Variants in DZIP3 observed in about 807,000 individuals in gnomAD.
DZIP3 encodes the protein DAZ interacting zinc finger protein 3, also known as E3 ubiquitin-protein ligase DZIP3.
DZIP3 carries 118 observed loss-of-function variants against 162.0 expected under a neutral mutation model. That is an observed-to-expected ratio of 0.73 (90% CI 0.63 to 0.85). DZIP3 has a LOEUF of 0.85. Among genes scored for constraint, DZIP3 ranks in the 40% least tolerant of loss-of-function variants. The pLI, the probability that DZIP3 is intolerant of heterozygous loss-of-function variation, is 0.00. For synonymous variants in DZIP3, 438 were observed against 458.6 expected (o/e 0.96, Z 0.57); for missense variants, 1,331 against 1,407.0 (o/e 0.95, Z 0.86).
chr3:108,655,516 G>A (rs1008615451), intron 19 of DZIP3, among the ~76,000 whole-genome samples: 1 of 152,132 alleles, frequency 6.6e-6, no homozygotes, highest in African/African-American at 2.4e-5. Flanking sequence ...TAAGTGGGGG[G>A]TGGAGCCAAG....
intron 18 of DZIP3, 55 bp from the exon 19 acceptor site, chr3:108,654,090 G>GA: frequency 6.4e-7 from 1 of 1,567,762 alleles, no homozygotes; most frequent in Non-Finnish European, 8.7e-7. Flanking sequence ...CAATAGCTTA[G>GA]ATGAAAATTA....
At chr3:108,590,123 GGC>G (rs1939301456) in intron 1 of DZIP3, 1 of 152,102 alleles carries the variant, frequency 6.6e-6, no homozygotes, top group African/African-American at 2.4e-5. Context: ...GTTTCTCTCT[GGC>G]ATGATTGATT....
chr3:108,609,457 A>G (rs1940576081), intron 3 of DZIP3, among the ~76,000 whole-genome samples: 1 of 152,270 alleles, frequency 6.6e-6, no homozygotes, highest in African/African-American at 2.4e-5. Context: ...AGGAAGGTGG[A>G]CACTTTGACC....
chr3:108,594,422 C>T (rs963361458), intron 1 of DZIP3, among the ~76,000 whole-genome samples: 14 of 120,074 alleles, frequency 1.2e-4, no homozygotes, highest in Non-Finnish European at 2.0e-4. Flanking sequence ...CCCCTCCCCC[C>T]TCCCTCCCTG....
intron 1 of DZIP3, chr3:108,590,244 G>A (rs929843492): frequency 6.6e-6 from 1 of 152,144 alleles, no homozygotes; most frequent in Non-Finnish European, 1.5e-5. Context: ...GTCAGTTACT[G>A]GTTTTGGAGC....
chr3:108,690,931 A>C, intron 32 of DZIP3, 28 bp downstream of exon 32: 9 of 1,596,242 alleles, frequency 5.6e-6, no homozygotes, highest in South Asian at 1.1e-5. Flanking sequence ...AAGGAAGCTC[A>C]GTTTTCTTTT....
At position 108,674,140 on chromosome 3, in the gene DZIP3, A is replaced by G. The variant is rs748931783; in HGVS notation, c.2652A>G (p.Glu884=). 3 of 1,612,398 alleles carry G rather than the reference A, an allele frequency of 1.9e-6. No homozygotes were observed. The highest frequency in any genetic ancestry group is 1.1e-5 in the South Asian group (1 of 91,022). ...GLLHLEQTEK[E]CLNQLARVTH... is the part of the protein sequence containing the mutation. ...TTCATCTAGAGCAGACTGAAAAGGA[A>G]TGTCTCAATCAGCTTGCCAGGGTGA... is the stretch of plus-strand genomic sequence containing the variant. The change falls in exon 24 of 33, where the codon GAA becomes GAG. Residue 884 remains glutamate (E), a synonymous_variant. Transcript: ENST00000361582.
chr3:108,624,299 CGTT>C (rs34808574), intron 5 of DZIP3, 142 bp from the exon 6 acceptor site: 117,237 of 542,986 alleles, frequency 0.22, 14,787 homozygotes, highest in Non-Finnish European at 0.27. Flanking sequence ...AATACATTAT[CGTT>C]ATTATTAGAT....
chr3:108,616,615 G>A lies in DZIP3; in HGVS notation c.333G>A (p.Gln111=), dbSNP rs1462710274. ...PALTLRFLIT[Q]LEAALRNIQA... The stretch of plus-strand genomic sequence containing the variant: ...TGACTTTACGTTTCTTGATTACACA[G>A]CTAGAAGCAGCACTTAGGAACATTC... Residue 111 remains glutamine (Q), a synonymous_variant, in exon 5 of 33, where the codon CAG becomes CAA. Coordinates refer to ENST00000361582, the MANE Select transcript of DZIP3 (RefSeq NM_014648.4). The A allele has an allele frequency of 6.2e-7, 1 of 1,608,512 alleles. No homozygotes were observed. Among genetic ancestry groups the A allele is most frequent in the Non-Finnish European group, 8.5e-7 (1 of 1,177,622 alleles).
chr3:108,638,391 C>G (rs916806888), intron 12 of DZIP3, among the ~76,000 whole-genome samples: 3 of 152,182 alleles, frequency 2.0e-5, no homozygotes, highest in Non-Finnish European at 4.4e-5. Context: ...TCTCGGCTCA[C>G]TGCAAGCTCT....
Position 108,620,786 on chromosome 3 carries a change from G to A in DZIP3, c.376-3658G>A, listed in dbSNP as rs534617919. Among the ~76,000 whole-genome samples the A allele has an allele frequency of 6.8e-4, 103 of 152,156 alleles. 1 individual carries two copies. Among genetic ancestry groups the A allele is most frequent in the Non-Finnish European group, 1.2e-3 (79 of 67,970 alleles). On this transcript the variant is annotated intron_variant, in intron 5 of 32. Coordinates refer to ENST00000361582, the MANE Select transcript of DZIP3 (RefSeq NM_014648.4). ...GCAGAATCCATGTGGGAGAGTAAAG[G>A]ATTTTGATTTAAAAGATCATTGTTT...
intron 23 of DZIP3, 75 bp downstream of exon 23, chr3:108,672,731 T>C: frequency 8.9e-7 from 1 of 1,122,010 alleles, no homozygotes; most frequent in Non-Finnish European, 1.3e-6. Flanking sequence ...CTAAAGAATT[T>C]GTAAAAGATT....
chr3:108,657,789 A>T (rs949882592), intron 19 of DZIP3, among the ~76,000 whole-genome samples: 3 of 152,334 alleles, frequency 2.0e-5, no homozygotes, highest in Admixed American at 2.0e-4. Context: ...AAAGAGATGG[A>T]GGAAGATCTA....
chr3:108,684,173 G>T (rs955592263), intron 26 of DZIP3, 43 bp from the exon 27 acceptor site: 26 of 1,291,590 alleles, frequency 2.0e-5, no homozygotes, highest in African/African-American at 9.4e-5. Context: ...ATAAATATGT[G>T]GGGGGGGGTG....
intron 19 of DZIP3, 119 bp from the exon 20 acceptor site, chr3:108,661,758 A>C: frequency 1.5e-6 from 1 of 667,820 alleles, no homozygotes. Context: ...ATCTAAATTG[A>C]GTGTTTGACT....
rs775653884 is a variant in DZIP3, at chr3:108,637,516, T to C, written c.1032T>C (p.Asp344=). ...VKILFEVVRK[D]EYITIENLGA... is the part of the protein sequence containing the mutation. ...TGCAGTTTGAAGTTGTGAGAAAGGA[T>C]GAATATATCACCATTGAAAATTTAG... is the stretch of plus-strand genomic sequence containing the variant. Residue 344 remains aspartate, a synonymous_variant, in exon 12 of 33, where the codon GAT becomes GAC. Coordinates refer to ENST00000361582, the MANE Select transcript of DZIP3 (RefSeq NM_014648.4). 1 of 1,611,312 alleles carries C rather than the reference T, an allele frequency of 6.2e-7. No homozygotes were observed.
intron 1 of DZIP3, among the ~76,000 whole-genome samples, chr3:108,596,850 G>T: frequency 6.6e-6 from 1 of 152,114 alleles, no homozygotes; most frequent in East Asian, 1.9e-4. Context: ...AAAACTGAGG[G>T]ATTATTCAGT....
intron 1 of DZIP3, among the ~76,000 whole-genome samples, chr3:108,597,703 C>T (rs1939780286): frequency 6.6e-6 from 1 of 152,132 alleles, no homozygotes; most frequent in Non-Finnish European, 1.5e-5. Context: ...GTACAGTATG[C>T]ACACCTCAGG....
At chr3:108,684,778 G>T (rs1384947425) in intron 27 of DZIP3, among the ~76,000 whole-genome samples, 1 of 152,008 alleles carries the variant, frequency 6.6e-6, no homozygotes, top group Non-Finnish European at 1.5e-5. Context: ...TATTTCAAGT[G>T]TATCTATAAA....
Sources: allele counts gnomAD v4.1 joint callset (sites outside exome capture counted in the v4.1 genomes callset), GRCh38; gene constraint gnomAD v4.1.1; transcripts MANE v1.5; gene names NCBI Gene and HGNC (gene_info 2026-07-23, HGNC 2026-07-21).